RPRD2: variants seen among roughly 807,000 people sequenced by gnomAD.
The protein encoded by RPRD2 is regulation of nuclear pre-mRNA domain containing 2.
RPRD2 carries 12 observed loss-of-function variants against 104.4 expected under a neutral mutation model. The ratio of observed to expected loss-of-function variants is 0.11; its 90% CI spans 0.07 to 0.19. The LOEUF is 0.19. Among genes scored for constraint, RPRD2 ranks in the 10% least tolerant of loss-of-function variants. RPRD2 has a pLI of 1.00. For missense variants in RPRD2, 1,543 were observed against 1,790.1 expected (o/e 0.86, Z 2.49); for synonymous variants, 714 against 684.9 (o/e 1.04, Z -0.66).
At chr1:150,366,538 T>G (rs1659856179) in intron 1 of RPRD2, among the ~76,000 whole-genome samples, 2 of 152,194 alleles carry the variant, frequency 1.3e-5, no homozygotes. Flanking sequence ...AAGACTCACA[T>G]GTTAAGTATC....
At position 150,438,046 on chromosome 1, in the gene RPRD2, G is replaced by A. The variant is rs187214916; in HGVS notation, c.336-2877G>A. Among the ~76,000 whole-genome samples, 12 of 150,656 alleles carry A rather than the reference G, an allele frequency of 8.0e-5. No individual in the cohort carries two copies. The South Asian group carries it at 2.1e-3, about 26-fold the overall frequency. On this transcript the variant is annotated intron_variant, in intron 2 of 10. Coordinates refer to ENST00000369068, the MANE Select transcript of RPRD2 (RefSeq NM_015203.5). ...CGCCTGTAACCCCAGCACTTTGGGA[G>A]GCCGAGGCAGGCAGATCATGAGGTC...
At chr1:150,459,661 C>T (rs979885533) in intron 8 of RPRD2, among the ~76,000 whole-genome samples, 3 of 149,910 alleles carry the variant, frequency 2.0e-5, no homozygotes, top group Admixed American at 6.7e-5. Flanking sequence ...GGCACAATCT[C>T]GGCTCATTGC....
At chr1:150,406,961 C>T (rs1291589378) in intron 1 of RPRD2, among the ~76,000 whole-genome samples, 4 of 152,134 alleles carry the variant, frequency 2.6e-5, no homozygotes, top group South Asian at 2.1e-4. Flanking sequence ...GTGATCCGCC[C>T]GCCTCGGCCT....
At chr1:150,417,798 G>GA in intron 2 of RPRD2, 73 bp downstream of exon 2, 4 of 1,211,460 alleles carry the variant, frequency 3.3e-6, no homozygotes, top group Non-Finnish European at 4.4e-6. Context: ...AACCCATTAA[G>GA]AACTGTAATA....
intron 1 of RPRD2, among the ~76,000 whole-genome samples, chr1:150,401,582 A>G (rs890290891): frequency 1.3e-5 from 2 of 151,982 alleles, no homozygotes; most frequent in African/African-American, 4.8e-5. Context: ...GACTCAAGCA[A>G]TCCACCTGCC....
chr1:150,374,656 G>C (rs1402087555), intron 1 of RPRD2, among the ~76,000 whole-genome samples: 1 of 152,204 alleles, frequency 6.6e-6, no homozygotes, highest in Non-Finnish European at 1.5e-5. Context: ...CTTGGTGTGT[G>C]TGGGGAGAAC....
chr1:150,473,437 T>C lies in RPRD2; in HGVS notation c.*103T>C. 1.6e-6 allele frequency: 2 copies of C among 1,231,728 alleles called. No individual in the cohort carries two copies. The highest frequency in any genetic ancestry group is 2.2e-6 in the Non-Finnish European group (2 of 900,142). 76.3% of individuals were successfully genotyped at this position (1,231,728 alleles called of 1,614,324 possible). A position where few individuals can be genotyped will look rare whatever the true frequency, so the allele number is the denominator to read the frequency against. ...ATTTGTTTTCTCTTTCTCGATTTTT[T>C]TTTTATTATAACAAAGGGCCTCTCT... On this transcript the variant is annotated 3_prime_UTR_variant, in exon 11 of 11. Coordinates refer to ENST00000369068, the MANE Select transcript of RPRD2 (RefSeq NM_015203.5).
At chr1:150,453,693 G>T (rs1553897080) in intron 7 of RPRD2, among the ~76,000 whole-genome samples, 1 of 152,150 alleles carries the variant, frequency 6.6e-6, no homozygotes, top group Non-Finnish European at 1.5e-5. Context: ...TTTGTTTAGT[G>T]CCCAGAGGTA....
intron 1 of RPRD2, among the ~76,000 whole-genome samples, chr1:150,376,527 T>C (rs964665859): frequency 6.6e-6 from 1 of 151,970 alleles, no homozygotes; most frequent in Non-Finnish European, 1.5e-5. Context: ...GACGGAATCT[T>C]GCTCTGTTTG....
At chr1:150,470,473 T>C (rs770759981) in intron 10 of RPRD2, 88 bp from the exon 11 acceptor site, 34 of 1,357,390 alleles carry the variant, frequency 2.5e-5, no homozygotes, top group Non-Finnish European at 3.1e-5. Context: ...CCCACCAAAA[T>C]GAATGAGAGT....
intron 1 of RPRD2, among the ~76,000 whole-genome samples, chr1:150,377,201 C>T (rs1233116961): frequency 2.0e-5 from 3 of 151,336 alleles, no homozygotes; most frequent in Non-Finnish European, 2.9e-5. Context: ...CAGAGCGAGA[C>T]TATCTCCAGA....
intron 2 of RPRD2, among the ~76,000 whole-genome samples, chr1:150,429,906 A>G (rs1665436843): frequency 1.3e-5 from 2 of 152,256 alleles, no homozygotes; most frequent in African/African-American, 2.4e-5. Context: ...CAAAGCTAAC[A>G]TTAACCAGCA....
At chr1:150,420,245 CT>C (rs587611131) in intron 2 of RPRD2, among the ~76,000 whole-genome samples, 22 of 148,822 alleles carry the variant, frequency 1.5e-4, no homozygotes, top group East Asian at 7.8e-4. Context: ...AGTTGCCAAC[CT>C]TTTTTTTTTA....
chr1:150,461,946 C>T lies in RPRD2; in HGVS notation c.1411+1629C>T, dbSNP rs373044899. Among the ~76,000 whole-genome samples, 9 of 149,602 alleles carry T rather than the reference C, an allele frequency of 6.0e-5. No homozygotes were observed. In the South Asian group the frequency reaches 1.1e-3, roughly 18 times the overall value. ...AGTGAGCCAGGATCGCGCCACTGCA[C>T]AGCCTGGGCGACAGAGCAATACTCC... On this transcript the variant is annotated intron_variant, in intron 9 of 10. Coordinates refer to ENST00000369068, the MANE Select transcript of RPRD2 (RefSeq NM_015203.5).
At position 150,472,066 on chromosome 1, in the gene RPRD2, A is replaced by G. The variant is rs1006045043; in HGVS notation, c.3118A>G (p.Ser1040Gly). 8.7e-6 allele frequency: 14 copies of G among 1,613,868 alleles called. No homozygotes were observed. Among genetic ancestry groups the G allele is most frequent in the Admixed American group, 1.7e-5 (1 of 60,020 alleles). ...CAAGGGCACTCCAAGTGATGGTGTC[A>G]GTCTCTCAAACCTCACCCAACCCAG... Reference protein sequence around the residue: ...PSKGTPSDGVSLSNLTQPSLT... With the variant: ...PSKGTPSDGVGLSNLTQPSLT... Residue 1040 changes from serine to glycine, a missense_variant, in exon 11 of 11, where the codon AGT (serine) becomes GGT (glycine). Around this residue, in one of 4 missense-constraint regions of RPRD2, gnomAD observed 880 missense variants for 885.6 expected, o/e 0.99. Coordinates refer to ENST00000369068, the MANE Select transcript of RPRD2 (RefSeq NM_015203.5).
intron 10 of RPRD2, 71 bp downstream of exon 10, chr1:150,464,798 A>G: frequency 9.1e-7 from 1 of 1,099,522 alleles, no homozygotes; most frequent in South Asian, 1.3e-5. Flanking sequence ...CCTGGATTCC[A>G]TTTCTGATGA....
At chr1:150,369,789 G>GT (rs1309655909) in intron 1 of RPRD2, among the ~76,000 whole-genome samples, 42 of 133,026 alleles carry the variant, frequency 3.2e-4, no homozygotes, top group Admixed American at 1.1e-3. Flanking sequence ...TTTTGTTTTT[G>GT]TTTTTTTTTG....
At chr1:150,468,736 GCATAGTGATGTAC>G (rs1014430222) in intron 10 of RPRD2, among the ~76,000 whole-genome samples, 3 of 152,106 alleles carry the variant, frequency 2.0e-5, no homozygotes, top group Non-Finnish European at 4.4e-5. Context: ...AGTTAGCTGG[GCATAGTGATGTAC>G]ACCTGTGGTC....
chr1:150,473,323 C>A lies in RPRD2; in HGVS notation c.4375C>A (p.Pro1459Thr), dbSNP rs1349137790. 34 of 1,609,582 alleles carry A rather than the reference C, an allele frequency of 2.1e-5. No homozygotes were observed. The highest frequency in any genetic ancestry group is 2.9e-5 in the Non-Finnish European group (34 of 1,177,876). Residue 1459 changes from proline (P) to threonine (T), a missense_variant, in exon 11 of 11, where the codon CCC (proline) becomes ACC (threonine). Transcript: ENST00000369068. The part of the protein sequence containing the change: ...FFAPKRPFFP[P>T]RY ...TGCACCAAAACGCCCATTCTTCCCT[C>A]CCAGGTACTGATGGAAACCAAGGGA... is the stretch of plus-strand genomic sequence containing the variant.
Sources: allele counts gnomAD v4.1 joint callset (sites outside exome capture counted in the v4.1 genomes callset), GRCh38; gene constraint gnomAD v4.1.1; regional missense constraint gnomAD v4.1.1; transcripts MANE v1.5; gene names NCBI Gene and HGNC (gene_info 2026-07-23, HGNC 2026-07-21).